The following DAP3 variants were observed in gnomAD, a reference collection of about 807,000 sequenced individuals.
The protein encoded by DAP3 is small ribosomal subunit protein mS29.
In DAP3, 28 loss-of-function variants were observed where a neutral mutation model predicts 51.9. That is an observed-to-expected ratio of 0.54 (90% confidence interval 0.40 to 0.74). The LOEUF is 0.74. DAP3 is among the 30% of genes least tolerant of loss of function. The pLI is 0.00. For synonymous variants in DAP3, 170 were observed against 170.3 expected (o/e 1.00, Z 0.01); for missense variants, 458 against 483.5 (o/e 0.95, Z 0.49).
At chr1:155,689,050 C>T, upstream of DAP3, 1 of 1,547,516 alleles carries the variant, frequency 6.5e-7, no homozygotes, top group Non-Finnish European at 8.7e-7. Context: ...GCGGCGGCTG[C>T]GCGTTGAGTC....
At chr1:155,688,112 G>A (rs1474574507), upstream of DAP3, 5 of 1,610,756 alleles carry the variant, frequency 3.1e-6, no homozygotes, top group East Asian at 2.2e-5. Flanking sequence ...GGGAAGTGAG[G>A]AAGAGGGGGT....
At chr1:155,694,863 T>A (rs971753038) in intron 1 of DAP3, among the ~76,000 whole-genome samples, 4 of 152,214 alleles carry the variant, frequency 2.6e-5, no homozygotes, top group Non-Finnish European at 5.9e-5. Context: ...TGTTAAATGC[T>A]CTTCAGCTGC....
intron 1 of DAP3, among the ~76,000 whole-genome samples, chr1:155,691,879 C>T (rs11264402): frequency 0.067 from 9,421 of 140,954 alleles, 1,805 homozygotes; most frequent in East Asian, 0.65. Flanking sequence ...AGTCCGGTGG[C>T]GACAAAGGAA....
chr1:155,712,496 C>A (rs537455312), intron 2 of DAP3, among the ~76,000 whole-genome samples: 90 of 151,600 alleles, frequency 5.9e-4, no homozygotes, highest in African/African-American at 2.1e-3. Flanking sequence ...CCTGTAATCC[C>A]AGCTACTCGG....
At chr1:155,689,035 A>G, upstream of DAP3, 1 of 1,572,910 alleles carries the variant, frequency 6.4e-7, no homozygotes, top group Non-Finnish European at 8.6e-7. Context: ...CGGTGGTTGG[A>G]GGCCGCGGCG....
upstream of DAP3, chr1:155,688,893 T>C (rs1326705153): frequency 1.2e-6 from 2 of 1,612,328 alleles, no homozygotes; most frequent in African/African-American, 1.3e-5. Context: ...TTGACTGGAA[T>C]TGCCAGGGTG....
chr1:155,707,277 G>A (rs1432208752), intron 1 of DAP3, among the ~76,000 whole-genome samples: 1 of 151,814 alleles, frequency 6.6e-6, no homozygotes, highest in Non-Finnish European at 1.5e-5. Context: ...GCGGGGCGTG[G>A]TGGTGGGCGC....
chr1:155,721,896 C>T (rs1289719569), intron 4 of DAP3: 2 of 517,824 alleles, frequency 3.9e-6, no homozygotes, highest in East Asian at 5.7e-5. Context: ...GGCAAAATAT[C>T]ATGAAAATAG....
chr1:155,692,853 T>G (rs1165244678), intron 1 of DAP3, among the ~76,000 whole-genome samples: 1 of 142,146 alleles, frequency 7.0e-6, no homozygotes, highest in Admixed American at 6.6e-5. Flanking sequence ...GATCATTTAT[T>G]TGATTTGCCA....
chr1:155,737,560 A>G (rs1341225783), intron 12 of DAP3, among the ~76,000 whole-genome samples: 4 of 152,124 alleles, frequency 2.6e-5, no homozygotes, highest in Non-Finnish European at 5.9e-5. Context: ...CTTGCCCTTG[A>G]CCTCACATTT....
intron 1 of DAP3, among the ~76,000 whole-genome samples, chr1:155,693,170 CAAA>C (rs1654073854): frequency 7.1e-6 from 1 of 141,722 alleles, no homozygotes; most frequent in Non-Finnish European, 1.5e-5. Flanking sequence ...GTTTTCACAT[CAAA>C]CGTGGAATCA....
rs373096645 is a variant in DAP3 at position 155,700,403 on chromosome 1, A to G, written c.-7-9370A>G. ...TGATTTGGATAAAATTCAATTCTCC[A>G]TTTTTAGTTTTTTTGCTTGTGCTTT... is the stretch of plus-strand genomic sequence containing the variant. On this transcript the variant is annotated intron_variant, in intron 1 of 12. Transcript: ENST00000368336. Among the ~76,000 whole-genome samples, 23 of 152,296 alleles carry G rather than the reference A, an allele frequency of 1.5e-4. 1 individual carries two copies. In the East Asian group the frequency reaches 2.7e-3, roughly 18 times the overall value.
At chr1:155,713,849 G>A (rs183337707) in intron 2 of DAP3, among the ~76,000 whole-genome samples, 1 of 152,148 alleles carries the variant, frequency 6.6e-6, no homozygotes, top group Non-Finnish European at 1.5e-5. Flanking sequence ...GTACAATACT[G>A]TATTGCCTAA....
chr1:155,718,651 A>G (rs1571512916), intron 3 of DAP3, among the ~76,000 whole-genome samples: 1 of 151,394 alleles, frequency 6.6e-6, no homozygotes, highest in South Asian at 2.1e-4. Flanking sequence ...GTGCTACTGC[A>G]CTCCAGCCTG....
chr1:155,725,321 AC>A (rs1658448313), intron 4 of DAP3, 60 bp from the exon 5 acceptor site: 2 of 1,451,464 alleles, frequency 1.4e-6, no homozygotes, highest in African/African-American at 2.8e-5. Flanking sequence ...GAGTATATAT[AC>A]CACCCCCCAC....
chr1:155,726,467 T>C (rs1346213650), intron 6 of DAP3, among the ~76,000 whole-genome samples: 1 of 151,780 alleles, frequency 6.6e-6, no homozygotes, highest in African/African-American at 2.4e-5. Flanking sequence ...TTTTTTTGTA[T>C]TTTTAGTAGA....
intron 1 of DAP3, among the ~76,000 whole-genome samples, chr1:155,704,053 AG>A (rs1652990304): frequency 6.6e-6 from 1 of 152,148 alleles, no homozygotes; most frequent in African/African-American, 2.4e-5. Flanking sequence ...AGGCTGAGAA[AG>A]GAGGATTACT....
intron 4 of DAP3, chr1:155,722,038 G>GC: frequency 4.7e-6 from 1 of 210,624 alleles, no homozygotes; most frequent in Non-Finnish European, 9.6e-6. Context: ...CTGTGCAGGT[G>GC]AGTTTTAGCA....
chr1:155,717,131 G>A lies in DAP3; in HGVS notation c.168+3G>A. 1 of 1,613,826 alleles carries A rather than the reference G, an allele frequency of 6.2e-7. No homozygotes were observed. The highest frequency in any genetic ancestry group is 1.1e-5 in the South Asian group (1 of 91,000). On this transcript the variant is annotated splice_donor_region_variant and intron_variant, in intron 3 of 12. Transcript: ENST00000368336. Reference sequence around the variant, plus strand: ...CCCGCACCAATGAGAATGACCCGGTGAGTTACTAATATGTATATGGGGTTT... The same window carrying A: ...CCCGCACCAATGAGAATGACCCGGTAAGTTACTAATATGTATATGGGGTTT...
Sources: allele counts gnomAD v4.1 joint callset (sites outside exome capture counted in the v4.1 genomes callset), GRCh38; gene constraint gnomAD v4.1.1; transcripts MANE v1.5; gene names NCBI Gene and HGNC (gene_info 2026-07-23, HGNC 2026-07-21).